NAV2: variants seen among roughly 807,000 people sequenced by gnomAD.
NAV2 encodes neuron navigator 2.
In NAV2, 54 loss-of-function variants were observed where a neutral mutation model predicts 223.2. That is an observed-to-expected ratio of 0.24 (90% CI 0.19 to 0.30). The LOEUF is 0.30. Ranked by LOEUF, NAV2 falls within the 10% of genes least tolerant of loss-of-function variation. NAV2 has a pLI of 1.00. For missense variants in NAV2, 2,806 were observed against 3,147.5 expected, an observed-to-expected ratio of 0.89 and a Z score of 2.60; for synonymous variants, 1,279 against 1,239.3, an observed-to-expected ratio of 1.03 and a Z score of -0.67.
At position 19,547,339 on chromosome 11, in the gene NAV2, A is replaced by G. The variant is rs369341073; in HGVS notation, c.75+196312A>G. Among the ~76,000 whole-genome samples, 13 of 152,240 alleles carry G rather than the reference A, an allele frequency of 8.5e-5. No individual in the cohort carries two copies. The East Asian group carries it at 1.9e-3, about 23-fold the overall frequency. The stretch of plus-strand genomic sequence containing the variant: ...TTCCTCTTACCCACCCCCAAATGTA[A>G]TGCCAAATCAAAGCAGGATTTAACT... On this transcript the variant is annotated intron_variant, in intron 1 of 37. Transcript: ENST00000360655.
At chr11:19,858,650 T>G (rs1385737494) in intron 3 of NAV2, among the ~76,000 whole-genome samples, 1 of 152,214 alleles carries the variant, frequency 6.6e-6, no homozygotes, top group East Asian at 1.9e-4. Context: ...GACTCTTGAC[T>G]CTCCTTAGCC....
At chr11:19,842,599 CATTTCCACG>C (rs56827814) in intron 2 of NAV2, among the ~76,000 whole-genome samples, 1 of 152,292 alleles carries the variant, frequency 6.6e-6, no homozygotes, top group African/African-American at 2.4e-5. Flanking sequence ...AGTCTCCAAG[CATTTCCACG>C]ATGCCCCTTC....
At chr11:19,404,582 C>CT (rs1168027401) in intron 1 of NAV2, among the ~76,000 whole-genome samples, 40 of 151,018 alleles carry the variant, frequency 2.6e-4, no homozygotes, top group Admixed American at 9.2e-4. Flanking sequence ...AATAGTGAGT[C>CT]TTTTTTTTTG....
intron 1 of NAV2, among the ~76,000 whole-genome samples, chr11:19,489,709 G>A (rs2042561327): frequency 6.6e-6 from 1 of 152,164 alleles, no homozygotes; most frequent in Admixed American, 6.5e-5. Flanking sequence ...TTGTCTTGTG[G>A]AGTATTGGGA....
At position 19,712,905 on chromosome 11, in the gene NAV2, G is replaced by A. The variant is rs1397557305; in HGVS notation, c.-791G>A. ...GGAAGCGCGGCGGCCGCTCCCGAGC[G>A]CAGCCCTGCCCGGCCCGCCAGCCGC... On this transcript the variant is annotated 5_prime_UTR_variant, in exon 1 of 38. Coordinates refer to ENST00000349880, the MANE Select transcript of NAV2 (RefSeq NM_145117.5). Among the ~76,000 whole-genome samples, 1 of 151,244 alleles carries A rather than the reference G, an allele frequency of 6.6e-6. No individual in the cohort carries two copies. Among genetic ancestry groups the A allele is most frequent in the African/African-American group, 2.4e-5 (1 of 41,320 alleles).
At chr11:19,785,560 T>G (rs1286774007) in intron 1 of NAV2, among the ~76,000 whole-genome samples, 1 of 152,182 alleles carries the variant, frequency 6.6e-6, no homozygotes, top group African/African-American at 2.4e-5. Flanking sequence ...AGATAACATT[T>G]AATCCAAAGA....
chr11:20,069,235 C>G (rs2059240553), intron 22 of NAV2, among the ~76,000 whole-genome samples: 1 of 152,004 alleles, frequency 6.6e-6, no homozygotes. Context: ...ATAATTTGCA[C>G]AAAGGTTAAG....
chr11:19,597,869 G>A (rs562150388), intron 1 of NAV2, among the ~76,000 whole-genome samples: 226 of 152,340 alleles, frequency 1.5e-3, no homozygotes, highest in African/African-American at 4.6e-3. Flanking sequence ...AGGAATGGCC[G>A]TGGCCATTTC....
intron 1 of NAV2, among the ~76,000 whole-genome samples, chr11:19,391,069 G>C (rs1849228658): frequency 6.6e-6 from 1 of 152,098 alleles, no homozygotes; most frequent in Non-Finnish European, 1.5e-5. Flanking sequence ...CCAAGTAAAT[G>C]AGGGGCCCAG....
In NAV2 at chr11:19,482,250, CA is replaced by C. The variant is rs372611211; in HGVS notation, c.75+131228del. 6.4e-4 allele frequency among the ~76,000 whole-genome samples: 98 copies of C among 152,274 alleles called. 1 individual carries two copies. In the East Asian group the frequency reaches 0.018, roughly 28 times the overall value. On this transcript the variant is annotated intron_variant, in intron 1 of 37. Coordinates refer to the NAV2 transcript ENST00000360655. ...AACTGAAGCCCATCTACGTTCCCTA[CA>C]AAAAGGAAGACATCAGCTCCAGGAT...
At chr11:19,884,329 T>A (rs1453885241) in intron 5 of NAV2, 12 of 1,614,124 alleles carry the variant, frequency 7.4e-6, no homozygotes, top group Non-Finnish European at 1.0e-5. Context: ...AGCAAAATCA[T>A]CCGCTTCACT....
At chr11:19,930,372 T>C (rs1015655696) in intron 6 of NAV2, among the ~76,000 whole-genome samples, 1 of 152,132 alleles carries the variant, frequency 6.6e-6, no homozygotes, top group Non-Finnish European at 1.5e-5. Context: ...TCAGAGTAGT[T>C]CCAAGCGGTA....
intron 1 of NAV2, among the ~76,000 whole-genome samples, chr11:19,621,499 G>A (rs888125054): frequency 4.6e-5 from 7 of 152,120 alleles, no homozygotes; most frequent in South Asian, 2.1e-4. Context: ...TGTATGTATC[G>A]AGGAATTTAT....
rs1277571491 is a variant in NAV2 at position 20,119,928 on chromosome 11, A to G, written c.*1670A>G. 1 of 152,214 alleles carries G rather than the reference A, an allele frequency of 6.6e-6. No homozygotes were observed. The highest frequency in any genetic ancestry group is 1.5e-5 in the Non-Finnish European group (1 of 68,038). The allele number at this position is 152,214 out of a possible 1,614,324, so 9.4% of individuals were successfully genotyped here. A position where few individuals can be genotyped will look rare whatever the true frequency, so the allele number is the denominator to read the frequency against. On this transcript the variant is annotated 3_prime_UTR_variant, in exon 38 of 38. Transcript: ENST00000349880. ...AGAAGGCAAAAGTTTCTACAAGTCT[A>G]CATGACCTTGCTGATACTTGTTCTA...
chr11:19,407,956 C>T lies in NAV2; in HGVS notation c.75+56929C>T, dbSNP rs1849972658. Among the ~76,000 whole-genome samples, 3 of 152,198 alleles carry T rather than the reference C, an allele frequency of 2.0e-5. No individual in the cohort carries two copies. The South Asian group carries it at 6.2e-4, about 32-fold the overall frequency. On this transcript the variant is annotated intron_variant, in intron 1 of 37. Coordinates refer to the NAV2 transcript ENST00000360655. ...AGCAGACATTTCATGACCTCAGGAG[C>T]CCCCCAAGATGCGTACTCCCAGCAA...
rs1157990685 is a variant in NAV2 at position 19,934,039 on chromosome 11, C to G, written c.1795C>G (p.Pro599Ala). Reference protein sequence around the residue: ...SRSGKLSSGLPQQKPQLDGRH... With the variant: ...SRSGKLSSGLAQQKPQLDGRH... ...GAGTGGGAAGCTGAGCTCAGGACTC[C>G]CCCAGCAGAAGCCCCAGCTGGACGG... is the stretch of plus-strand genomic sequence containing the variant. The change falls in exon 7 of 38, where the codon CCC (proline) becomes GCC (alanine). Residue 599 changes from proline to alanine, a missense_variant. Around this residue, in one of 4 missense-constraint regions of NAV2, gnomAD observed 1,167 missense variants for 1,180.5 expected, o/e 0.99. Coordinates refer to ENST00000349880, the MANE Select transcript of NAV2 (RefSeq NM_145117.5). The G allele has an allele frequency of 6.2e-7, 1 of 1,601,196 alleles. No individual in the cohort carries two copies.
Position 19,630,800 on chromosome 11 carries a change from T to C in NAV2, c.76-201684T>C, listed in dbSNP as rs548659880. ...CTGAGGTGAGAGGATTGCTTGAGCC[T>C]GGGAGGTCGAGGCTGCAGTGAGCCG... On this transcript the variant is annotated intron_variant, in intron 1 of 37. Transcript: ENST00000360655. Among the ~76,000 whole-genome samples, 6 of 151,564 alleles carry C rather than the reference T, an allele frequency of 4.0e-5. No homozygotes were observed. In the East Asian group the frequency reaches 9.7e-4, roughly 25 times the overall value.
At chr11:19,652,299 C>G (rs890825809) in intron 1 of NAV2, among the ~76,000 whole-genome samples, 5 of 152,142 alleles carry the variant, frequency 3.3e-5, no homozygotes, top group African/African-American at 9.7e-5. Flanking sequence ...CTGAAGCCAG[C>G]AGAGCTGACA....
chr11:19,621,786 G>A (rs2047005874), intron 1 of NAV2, among the ~76,000 whole-genome samples: 1 of 151,900 alleles, frequency 6.6e-6, no homozygotes. Context: ...GTTATTTCTT[G>A]CCTTCTGGTA....
Sources: gnomAD v4.1 joint callset for allele counts (sites outside exome capture counted in the v4.1 genomes callset) on GRCh38, gnomAD v4.1.1 for gene constraint, gnomAD v4.1.1 regional missense constraint, MANE v1.5 for transcripts, NCBI Gene and HGNC (gene_info 2026-07-23, HGNC 2026-07-21) for gene names.